Variants in FAM163A observed in about 807,000 individuals in gnomAD.
FAM163A encodes the protein protein FAM163A.
FAM163A carries 7 observed loss-of-function variants against 12.0 expected under a neutral mutation model. That is an observed-to-expected ratio of 0.58 (90% CI 0.33 to 1.10). FAM163A has a LOEUF of 1.10. FAM163A is among the 50% of genes least tolerant of loss of function. The pLI, the probability that FAM163A is intolerant of heterozygous loss-of-function variation, is 0.03. For missense variants in FAM163A, 202 were observed against 218.6 expected, an observed-to-expected ratio of 0.92 and a Z score of 0.48; for synonymous variants, 101 against 91.0, an observed-to-expected ratio of 1.11 and a Z score of -0.62.
intron 2 of FAM163A, among the ~76,000 whole-genome samples, chr1:179,810,019 TGTCAGA>T (rs1473897725): frequency 1.3e-5 from 2 of 152,162 alleles, no homozygotes; most frequent in African/African-American, 2.4e-5. Flanking sequence ...CCTGGTGGTC[TGTCAGA>T]GTCATAACTG....
rs185977708 is a variant in FAM163A at position 179,789,208 on chromosome 1, G to T, written c.-135-18590G>T. On this transcript the variant is annotated intron_variant, in intron 1 of 4. Transcript: ENST00000341785. ...ATTTTTTTTTCTTTTTTGAGATGGGGTCTCACTCCGTCACCCATGCTGGAG... is the reference window on the plus strand; with the variant it reads ...ATTTTTTTTTCTTTTTTGAGATGGGTTCTCACTCCGTCACCCATGCTGGAG... Among the ~76,000 whole-genome samples the T allele has an allele frequency of 7.9e-5, 12 of 152,200 alleles. No homozygotes were observed. In the East Asian group the frequency reaches 2.3e-3, roughly 29 times the overall value.
intron 1 of FAM163A, among the ~76,000 whole-genome samples, chr1:179,785,540 T>C (rs1690484974): frequency 6.6e-6 from 1 of 152,170 alleles, no homozygotes; most frequent in Non-Finnish European, 1.5e-5. Context: ...TTGTTGTTTT[T>C]GTTTTGGGGG....
At chr1:179,791,076 A>G (rs757305195) in intron 1 of FAM163A, among the ~76,000 whole-genome samples, 2 of 152,206 alleles carry the variant, frequency 1.3e-5, no homozygotes, top group Non-Finnish European at 2.9e-5. Context: ...GCCCAGCTCA[A>G]TCATCCAGCC....
At position 179,814,152 on chromosome 1, in the gene FAM163A, C is replaced by CCTT; in HGVS notation, c.469_471dup (p.Phe157dup). The stretch of plus-strand genomic sequence containing the variant: ...ACCTGGCCAGGCTCTGGGCGTGAGG[C>CCTT]CTTCACCAATCCAAGGGCTATTAGT... On this transcript the variant is annotated inframe_insertion, in exon 5 of 5. Transcript: ENST00000341785. 3.1e-6 allele frequency: 5 copies of CCTT among 1,614,172 alleles called. No individual in the cohort carries two copies. The highest frequency in any genetic ancestry group is 3.4e-6 in the Non-Finnish European group (4 of 1,180,032).
intron 1 of FAM163A, among the ~76,000 whole-genome samples, chr1:179,788,956 G>T (rs1233502723): frequency 1.3e-5 from 2 of 152,174 alleles, no homozygotes; most frequent in African/African-American, 4.8e-5. Flanking sequence ...GCCCACCAGT[G>T]TTCCCTTAAA....
rs1013248576 is a variant in FAM163A, at chr1:179,745,252, A to G, written c.-136+1829A>G. Among the ~76,000 whole-genome samples the G allele has an allele frequency of 2.6e-5, 4 of 152,148 alleles. No homozygotes were observed. In the South Asian group the frequency reaches 8.3e-4, roughly 32 times the overall value. On this transcript the variant is annotated intron_variant, in intron 1 of 4. Transcript: ENST00000341785. Reference sequence around the variant, plus strand: ...CTAGAGATCTGCATTCAGTGACCTCATCAGGCATACTGTTCTGGAAAGGCA... The same window carrying G: ...CTAGAGATCTGCATTCAGTGACCTCGTCAGGCATACTGTTCTGGAAAGGCA...
intron 1 of FAM163A, among the ~76,000 whole-genome samples, chr1:179,795,281 C>T (rs529610838): frequency 6.6e-6 from 1 of 152,292 alleles, no homozygotes; most frequent in East Asian, 1.9e-4. Flanking sequence ...TATCAAATCG[C>T]CCTCAAATCA....
At chr1:179,734,919 C>T in the FAM163A span, among the ~76,000 whole-genome samples, 4 of 152,122 alleles carry the variant, frequency 2.6e-5, no homozygotes, top group Admixed American at 1.3e-4. Flanking sequence ...GCCAGGGAGA[C>T]TAGGTTGACA....
rs1431434333 is a variant in FAM163A, at chr1:179,769,278, T to C, written c.-136+25855T>C. 2.0e-5 allele frequency among the ~76,000 whole-genome samples: 3 copies of C among 152,136 alleles called. 1 individual carries two copies. The highest frequency in any genetic ancestry group is 7.2e-5 in the African/African-American group (3 of 41,410). ...CTCCTACCATAGCCTCCTGAGTAGC[T>C]GAGACCACAGTTGCATGCCACCATG... On this transcript the variant is annotated intron_variant, in intron 1 of 4. Transcript: ENST00000341785.
At chr1:179,810,426 C>T (rs949954702) in intron 2 of FAM163A, among the ~76,000 whole-genome samples, 8 of 152,216 alleles carry the variant, frequency 5.3e-5, no homozygotes, top group South Asian at 4.1e-4. Flanking sequence ...ATCTGGATTC[C>T]TTGACCGGGT....
At chr1:179,774,950 G>A (rs1688743179) in intron 1 of FAM163A, among the ~76,000 whole-genome samples, 1 of 152,136 alleles carries the variant, frequency 6.6e-6, no homozygotes, top group Admixed American at 6.5e-5. Context: ...GGTTCTTGAC[G>A]TTTTGAACAA....
At chr1:179,733,001 C>T in the FAM163A span, among the ~76,000 whole-genome samples, 1 of 151,574 alleles carries the variant, frequency 6.6e-6, no homozygotes, top group Admixed American at 6.6e-5. Context: ...CAGAGACCTG[C>T]TCAGAAAGGC....
rs115922602 is a variant in FAM163A, at chr1:179,812,697, G to C, written c.-22-379G>C. 2.0e-3 allele frequency among the ~76,000 whole-genome samples: 300 copies of C among 152,336 alleles called. 2 individuals are homozygous for C. Among genetic ancestry groups the C allele is most frequent in the African/African-American group, 6.9e-3 (286 of 41,576 alleles). ...AAGGGTTATCGCGAGGATGTAGTAAGATGCGTGGGGGTGCTTAGCATGATG... is the reference window on the plus strand; with the variant it reads ...AAGGGTTATCGCGAGGATGTAGTAACATGCGTGGGGGTGCTTAGCATGATG... On this transcript the variant is annotated intron_variant, in intron 3 of 4. Transcript: ENST00000341785.
intron 1 of FAM163A, among the ~76,000 whole-genome samples, chr1:179,793,684 C>G (rs1046060024): frequency 1.3e-5 from 2 of 152,200 alleles, no homozygotes; most frequent in African/African-American, 4.8e-5. Context: ...TTTGATAGAA[C>G]TGGGTGCTTT....
chr1:179,785,327 T>A (rs576681278), intron 1 of FAM163A, among the ~76,000 whole-genome samples: 1 of 152,372 alleles, frequency 6.6e-6, no homozygotes, highest in East Asian at 1.9e-4. Context: ...ATTTCTAAAC[T>A]GTGAGTGGAA....
At chr1:179,734,264 C>T in the FAM163A span, among the ~76,000 whole-genome samples, 12 of 152,118 alleles carry the variant, frequency 7.9e-5, no homozygotes, top group Admixed American at 2.6e-4. Context: ...AGGAGAACAC[C>T]ACTGAGCCAG....
At chr1:179,758,205 A>G (rs1686302350) in intron 1 of FAM163A, among the ~76,000 whole-genome samples, 1 of 152,332 alleles carries the variant, frequency 6.6e-6, no homozygotes, top group African/African-American at 2.4e-5. Context: ...CGGTAAAACC[A>G]ATGAGATGTT....
intron 1 of FAM163A, among the ~76,000 whole-genome samples, chr1:179,767,543 ATGTTCCCTGAGGAC>A (rs1687678108): frequency 6.6e-6 from 1 of 152,128 alleles, no homozygotes; most frequent in South Asian, 2.1e-4. Flanking sequence ...TTTCCCTGGA[ATGTTCCCTGAGGAC>A]AACTCAGCCC....
In FAM163A at chr1:179,796,732, C is replaced by T. The variant is rs538617439; in HGVS notation, c.-135-11066C>T. On this transcript the variant is annotated intron_variant, in intron 1 of 4. Transcript: ENST00000341785. ...ACCTTTTACCCCAAGTCTGCACAGC[C>T]CACAAGATGAGCTGGTGGACACCGT... is the stretch of plus-strand genomic sequence containing the variant. 2.6e-5 allele frequency among the ~76,000 whole-genome samples: 4 copies of T among 152,304 alleles called. No individual in the cohort carries two copies. The East Asian group carries it at 7.7e-4, about 29-fold the overall frequency.
Sources: allele counts gnomAD v4.1 joint callset (sites outside exome capture counted in the v4.1 genomes callset), GRCh38; gene constraint gnomAD v4.1.1; transcripts MANE v1.5; gene names NCBI Gene and HGNC (gene_info 2026-07-23, HGNC 2026-07-21).